ANO1: variants seen among roughly 807,000 people sequenced by gnomAD.
ANO1 encodes anoctamin 1, also known as anoctamin-1.
Under a neutral mutation model 124.0 loss-of-function variants are expected in ANO1, and 59 were observed. The observed-to-expected ratio is 0.48, with a 90% CI of 0.39 to 0.59. The LOEUF (loss-of-function observed/expected upper bound fraction) is 0.59. Ranked by LOEUF, ANO1 falls within the 20% of genes least tolerant of loss-of-function variation. The pLI, the probability that ANO1 is intolerant of heterozygous loss-of-function variation, is 0.00. For missense variants in ANO1, 1,059 were observed against 1,328.0 expected, an observed-to-expected ratio of 0.80 and a Z score of 3.15; for synonymous variants, 529 against 532.0, an observed-to-expected ratio of 0.99 and a Z score of 0.08.
chr11:69,985,156 T>A (rs1591015752), upstream of ANO1, among the ~76,000 whole-genome samples: 1 of 152,140 alleles, frequency 6.6e-6, no homozygotes, highest in Admixed American at 6.5e-5. Flanking sequence ...AGAGGAAGGG[T>A]CGGGGACAGG....
intron 1 of ANO1, among the ~76,000 whole-genome samples, chr11:70,040,354 G>A (rs1220489962): frequency 2.6e-5 from 4 of 152,184 alleles, no homozygotes; most frequent in Non-Finnish European, 2.9e-5. Context: ...TGAGAGAACA[G>A]ACGAGAAGGT....
rs181038067 is a variant in ANO1 at position 70,173,118 on chromosome 11, G to A, written c.2350+2079G>A. On this transcript the variant is annotated intron_variant, in intron 22 of 25. Transcript: ENST00000355303. ...TGGTTCCAAGATAACTTCAACTCTGGCTTCTCTTACGCTTGGCTGTCTTGT... is the reference window on the plus strand; with the variant it reads ...TGGTTCCAAGATAACTTCAACTCTGACTTCTCTTACGCTTGGCTGTCTTGT... 6.4e-4 allele frequency among the ~76,000 whole-genome samples: 97 copies of A among 152,228 alleles called. 1 individual carries two copies. The Middle Eastern group carries it at 0.017, about 27-fold the overall frequency.
the ANO1 span, among the ~76,000 whole-genome samples, chr11:69,977,048 C>T: frequency 1.3e-5 from 2 of 152,358 alleles, no homozygotes; most frequent in African/African-American, 4.8e-5. Flanking sequence ...TGCACACTCA[C>T]TCTCTTCTGC....
chr11:70,125,537 A>G (rs1162940982), intron 9 of ANO1, among the ~76,000 whole-genome samples: 1 of 147,862 alleles, frequency 6.8e-6, no homozygotes, highest in Non-Finnish European at 1.5e-5. Flanking sequence ...AAAAAGAAAG[A>G]AAGGAAAAGA....
At chr11:70,004,822 G>T (rs137866105) in intron 1 of ANO1, among the ~76,000 whole-genome samples, 43 of 152,176 alleles carry the variant, frequency 2.8e-4, no homozygotes, top group African/African-American at 1.0e-3. Flanking sequence ...AATTAGAATT[G>T]GTGACAGAGG....
At chr11:69,983,808 C>G (rs1180380728), upstream of ANO1, among the ~76,000 whole-genome samples, 1 of 152,164 alleles carries the variant, frequency 6.6e-6, no homozygotes, top group East Asian at 1.9e-4. Context: ...CATCCGAACG[C>G]AACTTAATTG....
At chr11:70,080,626 G>C (rs1220167457) in intron 1 of ANO1, among the ~76,000 whole-genome samples, 3 of 152,192 alleles carry the variant, frequency 2.0e-5, no homozygotes, top group Non-Finnish European at 4.4e-5. Flanking sequence ...TGCTTATCCA[G>C]ACCCAGAAAC....
intron 1 of ANO1, among the ~76,000 whole-genome samples, chr11:70,085,252 AC>A (rs2044326585): frequency 6.6e-6 from 1 of 151,680 alleles, no homozygotes; most frequent in Non-Finnish European, 1.5e-5. Flanking sequence ...TCTTCCGTGA[AC>A]CCCGTCCTTC....
At position 70,189,435 on chromosome 11, in the gene ANO1, C is replaced by A. The variant is rs920581895; in HGVS notation, c.*1431C>A. On this transcript the variant is annotated 3_prime_UTR_variant, in exon 26 of 26. Coordinates refer to ENST00000355303, the MANE Select transcript of ANO1 (RefSeq NM_018043.7). ...TAAAAATTAGGCAATTACCAAAAAT[C>A]CTTTTATGGAAACCATTTTTTTAAA... 2.0e-5 allele frequency: 3 copies of A among 152,576 alleles called. No individual in the cohort carries two copies. Among genetic ancestry groups the A allele is most frequent in the African/African-American group, 7.2e-5 (3 of 41,412 alleles). The allele number at this position is 152,576 out of a possible 1,614,324, so 9.5% of individuals were successfully genotyped here.
At chr11:70,077,304 T>C (rs1389491232), upstream of ANO1, among the ~76,000 whole-genome samples, 1 of 152,110 alleles carries the variant, frequency 6.6e-6, no homozygotes, top group African/African-American at 2.4e-5. Flanking sequence ...CCTGCATATT[T>C]GGGTGGGAAG....
intron 22 of ANO1, among the ~76,000 whole-genome samples, chr11:70,176,572 T>G (rs1245822359): frequency 1.3e-5 from 2 of 152,196 alleles, no homozygotes; most frequent in Non-Finnish European, 2.9e-5. Flanking sequence ...GGTAACAGGC[T>G]TCAGAGAGAA....
intron 5 of ANO1, among the ~76,000 whole-genome samples, chr11:70,106,274 G>A (rs1002220999): frequency 6.6e-6 from 1 of 152,208 alleles, no homozygotes; most frequent in African/African-American, 2.4e-5. Context: ...AGGCCACCCT[G>A]CCCTATTCAA....
At chr11:70,153,575 G>GGCCA (rs1308765232) in intron 14 of ANO1, among the ~76,000 whole-genome samples, 2 of 152,198 alleles carry the variant, frequency 1.3e-5, no homozygotes, top group Non-Finnish European at 2.9e-5. Flanking sequence ...CTGAGCAAAT[G>GGCCA]GCCAGTTCCT....
chr11:70,133,916 G>A (rs940598279), intron 11 of ANO1, among the ~76,000 whole-genome samples: 2 of 152,162 alleles, frequency 1.3e-5, no homozygotes, highest in African/African-American at 4.8e-5. Context: ...CTCTTGCCTC[G>A]GCTCACCAAC....
chr11:69,977,290 C>T, the ANO1 span, among the ~76,000 whole-genome samples: 3 of 152,202 alleles, frequency 2.0e-5, no homozygotes, highest in African/African-American at 7.2e-5. Flanking sequence ...TCCCAGCCAC[C>T]ACACTCAAAG....
chr11:70,106,546 G>A (rs2045557244), intron 5 of ANO1, among the ~76,000 whole-genome samples: 1 of 152,188 alleles, frequency 6.6e-6, no homozygotes. Flanking sequence ...GGTCGGTGCA[G>A]GTCGTACCAG....
At chr11:70,109,299 T>A (rs934054231) in intron 6 of ANO1, among the ~76,000 whole-genome samples, 2 of 151,944 alleles carry the variant, frequency 1.3e-5, no homozygotes, top group Non-Finnish European at 2.9e-5. Flanking sequence ...GCAGTGGGAG[T>A]CAAGGGCTCG....
intron 22 of ANO1, among the ~76,000 whole-genome samples, chr11:70,178,158 C>T (rs1241075739): frequency 1.3e-5 from 2 of 152,244 alleles, no homozygotes; most frequent in African/African-American, 4.8e-5. Flanking sequence ...GTGCAATTAG[C>T]ACCCTGCCTT....
At chr11:70,147,963 G>A (rs1006501681) in intron 11 of ANO1, among the ~76,000 whole-genome samples, 6 of 152,166 alleles carry the variant, frequency 3.9e-5, no homozygotes, top group Non-Finnish European at 5.9e-5. Context: ...ACCTGGGGTC[G>A]GCGGGGGGTT....
Sources: gnomAD v4.1 joint callset for allele counts (sites outside exome capture counted in the v4.1 genomes callset) on GRCh38, gnomAD v4.1.1 for gene constraint, MANE v1.5 for transcripts, NCBI Gene and HGNC (gene_info 2026-07-23, HGNC 2026-07-21) for gene names.